LPXN: variants seen among roughly 807,000 people sequenced by gnomAD.
The protein encoded by LPXN is leupaxin.
Under a neutral mutation model 45.6 loss-of-function variants are expected in LPXN, and 28 were observed. The ratio of observed to expected loss-of-function variants is 0.61; its 90% CI spans 0.45 to 0.84. The LOEUF is 0.84. Ranked by LOEUF, LPXN falls within the 40% of genes least tolerant of loss-of-function variation. LPXN has a pLI of 0.00. For synonymous variants in LPXN, 166 were observed against 169.9 expected (o/e 0.98, Z 0.18); for missense variants, 459 against 475.0 (o/e 0.97, Z 0.31).
chr11:58,532,290 C>A (rs966845504), intron 7 of LPXN, among the ~76,000 whole-genome samples: 2 of 152,236 alleles, frequency 1.3e-5, no homozygotes, highest in Non-Finnish European at 2.9e-5. Context: ...CTCCGAGGCG[C>A]CCAGTCCCAT....
intron 3 of LPXN, among the ~76,000 whole-genome samples, chr11:58,558,645 C>CA (rs945055619): frequency 6.6e-5 from 10 of 151,136 alleles, no homozygotes; most frequent in Non-Finnish European, 1.3e-4. Context: ...CAGGCTCCTG[C>CA]ACCTAAAAGA....
At chr11:58,575,629 G>T in intron 1 of LPXN, 131 bp downstream of exon 1, 1 of 1,054,118 alleles carries the variant, frequency 9.5e-7, no homozygotes, top group Non-Finnish European at 1.5e-6. Flanking sequence ...GCAGGGCTGA[G>T]GACAGGAAAG....
upstream of LPXN, chr11:58,575,941 T>C: frequency 2.9e-6 from 1 of 345,936 alleles, no homozygotes; most frequent in Non-Finnish European, 4.2e-6. Context: ...TTTGGTGAGC[T>C]TTTTTTTTTT....
At chr11:58,537,882 A>G (rs1853598773) in intron 7 of LPXN, among the ~76,000 whole-genome samples, 1 of 147,514 alleles carries the variant, frequency 6.8e-6, no homozygotes, top group South Asian at 2.3e-4. Flanking sequence ...TTAACTCGTC[A>G]TTTAGCATTA....
intron 2 of LPXN, among the ~76,000 whole-genome samples, chr11:58,566,512 T>C (rs1053503263): frequency 6.6e-6 from 1 of 152,246 alleles, no homozygotes; most frequent in Non-Finnish European, 1.5e-5. Context: ...TCATAGACTT[T>C]CACAATTTTT....
chr11:58,572,624 TTC>T (rs1326454658), intron 1 of LPXN, among the ~76,000 whole-genome samples: 41 of 152,264 alleles, frequency 2.7e-4, no homozygotes, highest in Non-Finnish European at 2.9e-4. Flanking sequence ...TATTAATTAA[TTC>T]TGTTAAGTTT....
rs555290325 is a variant in LPXN, at chr11:58,544,105, C to T, written c.742+5681G>A. On this transcript the variant is annotated intron_variant, in intron 7 of 8. Transcript: ENST00000395074. ...TGTCCTGTGTTCTTCCTCTAAACCCCTGAGACACAGAAGAGCTCACTTTAC... is the reference window on the plus strand; with the variant it reads ...TGTCCTGTGTTCTTCCTCTAAACCCTTGAGACACAGAAGAGCTCACTTTAC... Among the ~76,000 whole-genome samples, 421 of 152,298 alleles carry T rather than the reference C, an allele frequency of 2.8e-3. 2 individuals carry two copies. Among genetic ancestry groups the T allele is most frequent in the African/African-American group, 9.7e-3 (404 of 41,570 alleles).
rs1375983326 is a variant in LPXN, at chr11:58,527,374, T to C, written c.*80A>G. The C allele has an allele frequency of 6.8e-7, 1 of 1,463,850 alleles. No homozygotes were observed. Among genetic ancestry groups the C allele is most frequent in the Non-Finnish European group, 9.4e-7 (1 of 1,059,136 alleles). 90.7% of individuals were successfully genotyped at this position (1,463,850 alleles called of 1,614,324 possible). On this transcript the variant is annotated 3_prime_UTR_variant, in exon 9 of 9. Coordinates refer to ENST00000395074, the MANE Select transcript of LPXN (RefSeq NM_004811.3). The stretch of plus-strand genomic sequence containing the variant: ...ATAAGACTATTAAGCAGAAGGTCAG[T>C]AACAGAAAATTTACCCTTTCCTCTC...
At chr11:58,540,238 T>C (rs1249075765) in intron 7 of LPXN, among the ~76,000 whole-genome samples, 1 of 152,060 alleles carries the variant, frequency 6.6e-6, no homozygotes, top group African/African-American at 2.4e-5. Context: ...GGGATATAGG[T>C]TCTGGATTCA....
At chr11:58,527,963 T>G (rs532127124) in intron 8 of LPXN, 80 bp downstream of exon 8, 2 of 1,494,736 alleles carry the variant, frequency 1.3e-6, no homozygotes, top group African/African-American at 2.8e-5. Context: ...TGTGAACCCT[T>G]TCACTAACTG....
rs1853985180 is a variant in LPXN at position 58,549,778 on chromosome 11, G to T, written c.742+8C>A. ...GTGTGGGATACAGCCTCTCAAGTCG[G>T]GTCATACCTTCTGCACCAAACACCT... On this transcript the variant is annotated splice_region_variant and intron_variant, in intron 7 of 8. Coordinates refer to ENST00000395074, the MANE Select transcript of LPXN (RefSeq NM_004811.3). 2 of 1,613,598 alleles carry T rather than the reference G, an allele frequency of 1.2e-6. No homozygotes were observed. The highest frequency in any genetic ancestry group is 1.7e-5 in the Admixed American group (1 of 59,980).
intron 1 of LPXN, among the ~76,000 whole-genome samples, chr11:58,570,943 A>G (rs527944829): frequency 2.6e-5 from 4 of 152,318 alleles, no homozygotes; most frequent in Non-Finnish European, 5.9e-5. Context: ...CTATGGTTGC[A>G]TTCAATTTCA....
intron 7 of LPXN, among the ~76,000 whole-genome samples, chr11:58,541,446 T>G (rs1405018702): frequency 6.6e-6 from 1 of 152,044 alleles, no homozygotes; most frequent in Non-Finnish European, 1.5e-5. Context: ...AAAATGCTCA[T>G]CATCACTGGC....
Position 58,530,339 on chromosome 11 carries a change from C to T in LPXN, c.743-2148G>A, listed in dbSNP as rs772187786. Among the ~76,000 whole-genome samples the T allele has an allele frequency of 2.6e-5, 4 of 152,172 alleles. No homozygotes were observed. In the East Asian group the frequency reaches 5.8e-4, roughly 22 times the overall value. The stretch of plus-strand genomic sequence containing the variant: ...GCCAGCACAGCAGTCTGAGCTCGAC[C>T]TGGGATACTAGAATTTGGTGGAGGG... On this transcript the variant is annotated intron_variant, in intron 7 of 8. Transcript: ENST00000395074.
chr11:58,532,681 A>G (rs1853428667), intron 7 of LPXN, among the ~76,000 whole-genome samples: 1 of 152,234 alleles, frequency 6.6e-6, no homozygotes. Context: ...CACCCTGTCA[A>G]GACAGACCAA....
chr11:58,547,148 T>C (rs1320840408), intron 7 of LPXN, among the ~76,000 whole-genome samples: 6 of 152,154 alleles, frequency 3.9e-5, no homozygotes, highest in African/African-American at 1.2e-4. Context: ...GGCAGCTGAA[T>C]AGAAACATGC....
intron 7 of LPXN, among the ~76,000 whole-genome samples, chr11:58,532,008 G>A (rs1487494571): frequency 2.0e-5 from 3 of 152,342 alleles, no homozygotes; most frequent in Admixed American, 1.3e-4. Flanking sequence ...CACGAGTTTC[G>A]GGTAGCACGG....
chr11:58,571,501 T>C (rs1854698228), intron 1 of LPXN, among the ~76,000 whole-genome samples: 1 of 151,992 alleles, frequency 6.6e-6, no homozygotes, highest in African/African-American at 2.4e-5. Context: ...ATCTTAACAA[T>C]TATCCTGAGC....
At chr11:58,537,432 G>A (rs936674062) in intron 7 of LPXN, among the ~76,000 whole-genome samples, 1 of 152,112 alleles carries the variant, frequency 6.6e-6, no homozygotes, top group Non-Finnish European at 1.5e-5. Flanking sequence ...AACACCGCAT[G>A]TTCTCACTCA....
Sources: gnomAD v4.1 joint callset for allele counts (sites outside exome capture counted in the v4.1 genomes callset) on GRCh38, gnomAD v4.1.1 for gene constraint, MANE v1.5 for transcripts, NCBI Gene and HGNC (gene_info 2026-07-23, HGNC 2026-07-21) for gene names.